BTBD3: variants seen among roughly 807,000 people sequenced by gnomAD.
BTBD3 encodes the protein BTB/POZ domain-containing protein 3.
BTBD3 carries 14 observed loss-of-function variants against 41.6 expected under a neutral mutation model. The observed-to-expected ratio is 0.34, with a 90% CI of 0.22 to 0.53. BTBD3 has a LOEUF of 0.53. Ranked by LOEUF, BTBD3 falls within the 20% of genes least tolerant of loss-of-function variation. The pLI, the probability that BTBD3 is intolerant of heterozygous loss-of-function variation, is 0.95. For synonymous variants in BTBD3, 249 were observed against 233.7 expected, an observed-to-expected ratio of 1.07 and a Z score of -0.60; for missense variants, 426 against 654.7, an observed-to-expected ratio of 0.65 and a Z score of 3.81.
chr20:11,899,787 G>C (rs1004103593), intron 1 of BTBD3, among the ~76,000 whole-genome samples: 6 of 152,036 alleles, frequency 3.9e-5, no homozygotes, highest in African/African-American at 1.4e-4. Flanking sequence ...AACATTTGTA[G>C]ATTTTTACTG....
chr20:11,922,572 T>C (rs1302404670), intron 3 of BTBD3, 62 bp from the exon 4 acceptor site: 1 of 1,472,844 alleles, frequency 6.8e-7, no homozygotes, highest in Non-Finnish European at 9.2e-7. Flanking sequence ...TGGTTGTATC[T>C]TTTCTTGCTG....
In BTBD3 at chr20:11,918,407, G is replaced by T. The variant is rs760831100; in HGVS notation, c.132G>T (p.Lys44Asn). Residue 44 changes from lysine (K) to asparagine (N), a missense_variant, in exon 1 of 4, where the codon AAG becomes AAT. Physicochemically the swap from Lys to Asn is moderately conservative, Grantham distance 94 (BLOSUM62 0). This residue lies in a region of BTBD3 where 53 missense variants were observed against 74.8 expected (regional missense o/e 0.71). Transcript: ENST00000378226. ...NTSSSSSNSS[K>N]LPPVCYEIIT... ...GCAGCAGCAGTAGCAACAGCAGCAA[G>T]TTGCCACCAGTTTGTTATGAAATAA... is the stretch of plus-strand genomic sequence containing the variant. The T allele has an allele frequency of 2.5e-6, 4 of 1,614,166 alleles. No individual in the cohort carries two copies. In the South Asian group the frequency reaches 4.4e-5, roughly 18 times the overall value.
chr20:11,919,804 T>C lies in BTBD3; in HGVS notation c.504T>C (p.Asp168=). The stretch of plus-strand genomic sequence containing the variant: ...ACAAAGATGAAATCCGTATACCAGA[T>C]GTCGAACCTGCTGCTTTTCTCGCTA... The part of the protein sequence containing the change: ...AEDKDEIRIP[D]VEPAAFLAML... The change falls in exon 3 of 4, where the codon GAT becomes GAC. Residue 168 remains aspartate (D), a synonymous_variant. Transcript: ENST00000378226. The C allele has an allele frequency of 1.2e-6, 2 of 1,614,220 alleles. No homozygotes were observed.
chr20:11,922,918 G>A lies in BTBD3; in HGVS notation c.821G>A (p.Arg274His), dbSNP rs530038210. The change falls in exon 4 of 4, where the codon CGT becomes CAT. Residue 274 changes from arginine (R) to histidine (H), a missense_variant. Around this residue, in one of 3 missense-constraint regions of BTBD3, gnomAD observed 321 missense variants for 534.8 expected, o/e 0.60. Transcript: ENST00000378226. ...TTCCAGACACTAGAAAGTATTCTCCGTAGGGAAACTCTGAATGCCAAAGAA... is the reference window on the plus strand; with the variant it reads ...TTCCAGACACTAGAAAGTATTCTCCATAGGGAAACTCTGAATGCCAAAGAA... Reference protein sequence around the residue: ...IDFQTLESILRRETLNAKEIV... With the variant: ...IDFQTLESILHRETLNAKEIV... 6.2e-6 allele frequency: 10 copies of A among 1,614,236 alleles called. No individual in the cohort carries two copies. The East Asian group carries it at 6.7e-5, about 11-fold the overall frequency.
intron 1 of BTBD3, chr20:11,891,057 G>T (rs963187107): frequency 7.2e-6 from 6 of 829,312 alleles, no homozygotes; most frequent in Admixed American, 6.3e-5. Flanking sequence ...CGGAGGGGCC[G>T]AGCGAAGCGA....
intron 1 of BTBD3, among the ~76,000 whole-genome samples, chr20:11,907,666 A>G (rs1778352193): frequency 6.6e-6 from 1 of 152,200 alleles, no homozygotes; most frequent in Non-Finnish European, 1.5e-5. Context: ...TTGCTTAGGT[A>G]TCCTTTGGAC....
chr20:11,906,543 C>T (rs1393567013), intron 1 of BTBD3, among the ~76,000 whole-genome samples: 1 of 151,928 alleles, frequency 6.6e-6, no homozygotes, highest in Non-Finnish European at 1.5e-5. Context: ...GGATTACAGG[C>T]GTGAGCCACC....
intron 1 of BTBD3, among the ~76,000 whole-genome samples, chr20:11,904,521 A>G (rs1038539970): frequency 6.6e-6 from 1 of 152,176 alleles, no homozygotes; most frequent in Admixed American, 6.5e-5. Context: ...GATAAAATCC[A>G]AACTTCTTAT....
intron 1 of BTBD3, among the ~76,000 whole-genome samples, chr20:11,909,214 C>T (rs2056874856): frequency 6.7e-6 from 1 of 149,022 alleles, no homozygotes; most frequent in South Asian, 2.1e-4. Flanking sequence ...GCGGAGGTTG[C>T]AGTGAGCTGA....
intron 1 of BTBD3, chr20:11,891,376 C>T (rs889762799): frequency 6.6e-6 from 1 of 151,984 alleles, no homozygotes; most frequent in South Asian, 2.1e-4. Context: ...GCCTCGGCGC[C>T]TAGCAGGTGG....
rs1478241671 is a variant in BTBD3, at chr20:11,920,766, G to GTT, written c.536+932_536+933dup. On this transcript the variant is annotated intron_variant, in intron 3 of 3. Coordinates refer to ENST00000378226, the MANE Select transcript of BTBD3 (RefSeq NM_014962.4). ...TTCAGTTCATTGGAATAAGTAAAAT[G>GTT]TTTGTTGAAAAAAGTATTCAGTGGG... Among the ~76,000 whole-genome samples the GTT allele has an allele frequency of 2.0e-5, 3 of 152,222 alleles. No homozygotes were observed. In the East Asian group the frequency reaches 5.8e-4, roughly 29 times the overall value.
rs2056988288 is a variant in BTBD3, at chr20:11,923,342, C to G, written c.1245C>G (p.Ser415=). ...VFIAGFGLYG[S]SCGSAEYSAK... is the part of the protein sequence containing the mutation. The stretch of plus-strand genomic sequence containing the variant: ...TTGCTGGCTTTGGGCTGTATGGCTC[C>G]AGCTGTGGTTCTGCAGAATACAGTG... Residue 415 remains serine (S), a synonymous_variant, in exon 4 of 4, where the codon TCC becomes TCG. Coordinates refer to ENST00000378226, the MANE Select transcript of BTBD3 (RefSeq NM_014962.4). This position sits in a 1 kb window ranked among gnomAD's most constrained non-coding sequence, Gnocchi z 5.3. 1 of 1,614,192 alleles carries G rather than the reference C, an allele frequency of 6.2e-7. No individual in the cohort carries two copies. Among genetic ancestry groups the G allele is most frequent in the African/African-American group, 1.3e-5 (1 of 75,048 alleles).
intron 3 of BTBD3, among the ~76,000 whole-genome samples, chr20:11,922,196 G>C (rs1349039687): frequency 6.6e-6 from 1 of 152,142 alleles, no homozygotes; most frequent in African/African-American, 2.4e-5. Context: ...GTTTTATTTT[G>C]TGCTTAGGAA....
chr20:11,915,077 C>G (rs1259097409), upstream of BTBD3, among the ~76,000 whole-genome samples: 1 of 152,142 alleles, frequency 6.6e-6, no homozygotes, highest in Non-Finnish European at 1.5e-5. Flanking sequence ...GCTAATTTTA[C>G]CATGCTACAT....
In BTBD3 at chr20:11,923,363, C is replaced by CA; in HGVS notation, c.1267dup (p.Ser423LysfsTer5). ...GCTCCAGCTGTGGTTCTGCAGAATA[C>CA]AGTGCCAAGATTGAACTTAAGCGGC... is the stretch of plus-strand genomic sequence containing the variant. On this transcript the variant is annotated frameshift_variant, in exon 4 of 4. Transcript: ENST00000378226. LOFTEE classifies it high-confidence loss of function. This position sits in a 1 kb window ranked among gnomAD's most constrained non-coding sequence, Gnocchi z 5.3. The CA allele has an allele frequency of 6.2e-7, 1 of 1,614,210 alleles. No homozygotes were observed. Among genetic ancestry groups the CA allele is most frequent in the Non-Finnish European group, 8.5e-7 (1 of 1,180,036 alleles).
intron 1 of BTBD3, among the ~76,000 whole-genome samples, chr20:11,893,516 A>C (rs1280315380): frequency 2.0e-5 from 3 of 152,232 alleles, no homozygotes; most frequent in Non-Finnish European, 4.4e-5. Context: ...TCACACATTT[A>C]AAAATTACCT....
intron 1 of BTBD3, among the ~76,000 whole-genome samples, chr20:11,908,151 T>C (rs1568611318): frequency 6.6e-6 from 1 of 152,100 alleles, no homozygotes; most frequent in African/African-American, 2.4e-5. Context: ...TTATGGCATC[T>C]CCGCAGATGA....
rs1389916577 is a variant in BTBD3, at chr20:11,911,031, T to TA, written c.-125-7295dup. Among the ~76,000 whole-genome samples, 12 of 152,278 alleles carry TA rather than the reference T, an allele frequency of 7.9e-5. No homozygotes were observed. The South Asian group carries it at 1.7e-3, about 21-fold the overall frequency. ...TGGTTAAGGAAATAATTAAGCAACCTAAAAAAAAGATTTCTTTCTTTCTGT... is the reference window on the plus strand; with the variant it reads ...TGGTTAAGGAAATAATTAAGCAACCTAAAAAAAAAGATTTCTTTCTTTCTGT... On this transcript the variant is annotated intron_variant, in intron 1 of 4. Transcript: ENST00000254977.
At chr20:11,892,716 CAAT>C (rs1213598622) in intron 1 of BTBD3, among the ~76,000 whole-genome samples, 1 of 152,102 alleles carries the variant, frequency 6.6e-6, no homozygotes, top group East Asian at 1.9e-4. Context: ...GAAGTGGAAA[CAAT>C]GTTTTCTTTT....
Sources: gnomAD v4.1 joint callset for allele counts (sites outside exome capture counted in the v4.1 genomes callset) on GRCh38, gnomAD v4.1.1 for gene constraint, gnomAD v4.1.1 regional missense constraint, Gnocchi (gnomAD v3.1) non-coding constraint, MANE v1.5 for transcripts, NCBI Gene and HGNC (gene_info 2026-07-23, HGNC 2026-07-21) for gene names.